Variants in DACH1 observed in about 807,000 individuals in gnomAD.
DACH1 encodes the protein dachshund family transcription factor 1.
A neutral mutation model predicts 54.2 loss-of-function variants in DACH1; 12 were observed. The observed-to-expected ratio is 0.22, with a 90% CI of 0.14 to 0.36. The LOEUF (loss-of-function observed/expected upper bound fraction) is 0.36. Ranked by LOEUF, DACH1 falls within the 10% of genes least tolerant of loss-of-function variation. DACH1 has a pLI of 1.00. For synonymous variants in DACH1, 386 were observed against 366.2 expected (o/e 1.05, Z -0.62); for missense variants, 805 against 929.8 (o/e 0.87, Z 1.75).
intron 1 of DACH1, among the ~76,000 whole-genome samples, chr13:71,833,530 A>G (rs2138213301): frequency 6.6e-6 from 1 of 152,054 alleles, no homozygotes; most frequent in Middle Eastern, 3.4e-3. Context: ...ACAGTATCCT[A>G]ATTTCAGGTG....
Position 71,747,028 on chromosome 13 carries a change from T to C in DACH1, c.849-65118A>G, listed in dbSNP as rs370553557. 2.6e-5 allele frequency among the ~76,000 whole-genome samples: 4 copies of C among 152,168 alleles called. No homozygotes were observed. In the East Asian group the frequency reaches 5.8e-4, roughly 22 times the overall value. On this transcript the variant is annotated intron_variant, in intron 1 of 10. Coordinates refer to ENST00000613252, the MANE Select transcript of DACH1 (RefSeq NM_080759.6). ...TGTATTAACACATATGTATATGTACTGACACATAATAGCTATATCTATCAA... is the reference window on the plus strand; with the variant it reads ...TGTATTAACACATATGTATATGTACCGACACATAATAGCTATATCTATCAA...
intron 2 of DACH1, chr13:71,675,314 G>A: frequency 1.3e-6 from 2 of 1,599,618 alleles, no homozygotes; most frequent in Non-Finnish European, 1.7e-6. Flanking sequence ...ACAGATCTGC[G>A]CTTCCAGAGC....
intron 10 of DACH1, among the ~76,000 whole-genome samples, chr13:71,449,511 A>T (rs1874812332): frequency 6.6e-6 from 1 of 151,728 alleles, no homozygotes; most frequent in Non-Finnish European, 1.5e-5. Flanking sequence ...AACATCACAC[A>T]CTGGGGCCTG....
intron 4 of DACH1, among the ~76,000 whole-genome samples, chr13:71,561,000 A>C (rs142101164): frequency 6.6e-6 from 1 of 152,308 alleles, no homozygotes; most frequent in African/African-American, 2.4e-5. Context: ...ATAGAGAAAA[A>C]AAATCTAAAA....
At position 71,646,350 on chromosome 13, in the gene DACH1, G is replaced by GA. The variant is rs985891838; in HGVS notation, c.965-15634dup. On this transcript the variant is annotated intron_variant, in intron 2 of 10. Transcript: ENST00000613252. ...AAAACTCCGTCTCAAAAAAAAAAAAGAAAAAAAAAACAACCCTTCTGTAAT... is the reference window on the plus strand; with the variant it reads ...AAAACTCCGTCTCAAAAAAAAAAAAGAAAAAAAAAAACAACCCTTCTGTAAT... Among the ~76,000 whole-genome samples the GA allele has an allele frequency of 9.0e-4, 126 of 139,816 alleles. 1 individual carries two copies. The highest frequency in any genetic ancestry group is 2.3e-3 in the African/African-American group (87 of 38,216). The allele number at this position is 139,816 out of a possible 152,430, so 91.7% of individuals were successfully genotyped here. A position where few individuals can be genotyped will look rare whatever the true frequency, so the allele number is the denominator to read the frequency against.
intron 6 of DACH1, among the ~76,000 whole-genome samples, chr13:71,545,464 A>G (rs1241021885): frequency 3.3e-5 from 5 of 151,872 alleles, no homozygotes; most frequent in Non-Finnish European, 7.4e-5. Flanking sequence ...TAGTAACCTC[A>G]AAGTATCTCA....
At chr13:71,568,230 A>G (rs1885005888) in intron 4 of DACH1, among the ~76,000 whole-genome samples, 1 of 152,070 alleles carries the variant, frequency 6.6e-6, no homozygotes, top group Admixed American at 6.6e-5. Flanking sequence ...ATAAAAGATG[A>G]AGAAAAACTG....
chr13:71,731,895 A>G (rs1014559739), intron 1 of DACH1, among the ~76,000 whole-genome samples: 1 of 152,200 alleles, frequency 6.6e-6, no homozygotes, highest in Non-Finnish European at 1.5e-5. Context: ...GATCATTTCA[A>G]TACTCTTTTG....
chr13:71,487,389 C>G (rs1374156709), intron 7 of DACH1, among the ~76,000 whole-genome samples: 1 of 152,048 alleles, frequency 6.6e-6, no homozygotes, highest in Admixed American at 6.6e-5. Flanking sequence ...CTGGAGTGTT[C>G]TTTTTCTTCT....
At chr13:71,651,923 G>A (rs1487208620) in intron 2 of DACH1, among the ~76,000 whole-genome samples, 2 of 152,086 alleles carry the variant, frequency 1.3e-5, no homozygotes, top group Non-Finnish European at 2.9e-5. Flanking sequence ...CAGACAGCAT[G>A]TCTTACTCAA....
At chr13:71,726,559 T>C (rs1883475277) in intron 1 of DACH1, among the ~76,000 whole-genome samples, 1 of 152,082 alleles carries the variant, frequency 6.6e-6, no homozygotes, top group Admixed American at 6.5e-5. Context: ...GAAAAATCTA[T>C]ATTTAAATTC....
chr13:71,836,949 G>A (rs1438306660), intron 1 of DACH1, among the ~76,000 whole-genome samples: 1 of 151,752 alleles, frequency 6.6e-6, no homozygotes, highest in East Asian at 1.9e-4. Context: ...TCATATATTA[G>A]GTGCATAACA....
At chr13:71,664,551 G>A (rs1227743361) in intron 2 of DACH1, among the ~76,000 whole-genome samples, 1 of 151,950 alleles carries the variant, frequency 6.6e-6, no homozygotes, top group Non-Finnish European at 1.5e-5. Flanking sequence ...TGATACTAAT[G>A]ACAGAATTGT....
intron 1 of DACH1, among the ~76,000 whole-genome samples, chr13:71,705,493 A>G (rs895189460): frequency 2.6e-5 from 4 of 152,218 alleles, no homozygotes; most frequent in African/African-American, 7.2e-5. Context: ...GTTTAACATC[A>G]TTTAGAACTC....
chr13:71,670,980 G>A (rs1880174084), intron 2 of DACH1, among the ~76,000 whole-genome samples: 1 of 151,990 alleles, frequency 6.6e-6, no homozygotes, highest in Non-Finnish European at 1.5e-5. Context: ...TCTCTCTTGG[G>A]ACTTTACTTT....
intron 1 of DACH1, among the ~76,000 whole-genome samples, chr13:71,832,818 T>C (rs559515699): frequency 1.3e-5 from 2 of 152,068 alleles, no homozygotes; most frequent in South Asian, 4.1e-4. Flanking sequence ...TTCAATTGTA[T>C]TTAAGTTAAA....
intron 3 of DACH1, among the ~76,000 whole-genome samples, chr13:71,606,721 G>A (rs1039292835): frequency 6.6e-6 from 1 of 151,988 alleles, no homozygotes; most frequent in Non-Finnish European, 1.5e-5. Context: ...TGAACATAGT[G>A]AGACACCCTA....
At chr13:71,781,244 G>A (rs965967338) in intron 1 of DACH1, among the ~76,000 whole-genome samples, 2 of 152,070 alleles carry the variant, frequency 1.3e-5, no homozygotes, top group Admixed American at 6.6e-5. Context: ...AATCCTGTGG[G>A]AACCACAGTG....
chr13:71,799,229 T>C (rs546651977), intron 1 of DACH1, among the ~76,000 whole-genome samples: 1 of 152,278 alleles, frequency 6.6e-6, no homozygotes, highest in South Asian at 2.1e-4. Flanking sequence ...ATACAGGATA[T>C]AATTATTTTG....
Sources: allele counts gnomAD v4.1 joint callset (sites outside exome capture counted in the v4.1 genomes callset), GRCh38; gene constraint gnomAD v4.1.1; transcripts MANE v1.5; gene names NCBI Gene and HGNC (gene_info 2026-07-23, HGNC 2026-07-21).